The following PLTP variants were observed in gnomAD, a reference collection of about 807,000 sequenced individuals.
PLTP encodes phospholipid transfer protein, also known as BPI fold containing family E.
A neutral mutation model predicts 54.1 loss-of-function variants in PLTP; 43 were observed. The ratio of observed to expected loss-of-function variants is 0.79; its 90% CI spans 0.62 to 1.02. PLTP has a LOEUF of 1.02. Among genes scored for constraint, PLTP ranks in the 50% least tolerant of loss-of-function variants. PLTP has a pLI of 0.00. For synonymous variants in PLTP, 263 were observed against 264.6 expected (o/e 0.99, Z 0.06); for missense variants, 604 against 645.9 (o/e 0.94, Z 0.70).
rs1036456569 is a variant in PLTP, at chr20:45,909,702, A to T, written c.330-31T>A. 1.9e-6 allele frequency: 3 copies of T among 1,613,290 alleles called. No homozygotes were observed. The East Asian group carries it at 6.7e-5, about 36-fold the overall frequency. ...AGGGGGGTTAATATTCACTCCAGGTAGGAGCTCAATTGAGTCTTCAGTGCC... is the reference window on the plus strand; with the variant it reads ...AGGGGGGTTAATATTCACTCCAGGTTGGAGCTCAATTGAGTCTTCAGTGCC... On this transcript the variant is annotated intron_variant, in intron 4 of 15. Coordinates refer to ENST00000372431, the MANE Select transcript of PLTP (RefSeq NM_006227.4).
chr20:45,899,807 G>GGGCCCGGGGC, intron 13 of PLTP, 29 bp downstream of exon 13: 2 of 1,369,468 alleles, frequency 1.5e-6, no homozygotes, highest in Non-Finnish European at 2.0e-6. Context: ...CACGAACCCA[G>GGGCCCGGGGC]CCCAGCCCAC....
intron 15 of PLTP, 41 bp downstream of exon 15, chr20:45,899,421 G>T (rs376463002): frequency 6.9e-6 from 11 of 1,599,742 alleles, no homozygotes; most frequent in Non-Finnish European, 8.6e-7. Context: ...TATAGAGAGA[G>T]GGGAAGGCCC....
chr20:45,903,560 C>G (rs1459515484), intron 10 of PLTP, among the ~76,000 whole-genome samples: 1 of 152,080 alleles, frequency 6.6e-6, no homozygotes, highest in East Asian at 1.9e-4. Flanking sequence ...GCTATGCCTT[C>G]TTCTATAGGC....
Position 45,910,043 on chromosome 20 carries a change from T to C in PLTP, c.228A>G (p.Thr76=). The C allele has an allele frequency of 6.2e-7, 1 of 1,614,070 alleles. No individual in the cohort carries two copies. The highest frequency in any genetic ancestry group is 1.1e-5 in the South Asian group (1 of 91,068). Residue 76 remains threonine (T), a synonymous_variant, in exon 4 of 16, where the codon ACA becomes ACG. Coordinates refer to ENST00000372431, the MANE Select transcript of PLTP (RefSeq NM_006227.4). The part of the protein sequence containing the change: ...SEVKVTELQL[T]SSELDFQPQQ... ...GTGGCTGGAAATCGAGCTCGGAAGA[T>C]GTCAGTTGCAGCTCTGTGACCTTCA... is the stretch of plus-strand genomic sequence containing the variant.
At position 45,905,129 on chromosome 20, in the gene PLTP, G is replaced by C; in HGVS notation, c.706-11C>G. The C allele has an allele frequency of 1.2e-6, 2 of 1,613,140 alleles. No individual in the cohort carries two copies. Among genetic ancestry groups the C allele is most frequent in the Non-Finnish European group, 1.7e-6 (2 of 1,179,560 alleles). ...GGGGAAGAAGGCCCCCTGGGGTGGGGCATTCACAGTCAGGGTCAAGGCAGA... is the reference window on the plus strand; with the variant it reads ...GGGGAAGAAGGCCCCCTGGGGTGGGCCATTCACAGTCAGGGTCAAGGCAGA... On this transcript the variant is annotated splice_polypyrimidine_tract_variant and intron_variant, in intron 8 of 15. Coordinates refer to ENST00000372431, the MANE Select transcript of PLTP (RefSeq NM_006227.4).
At chr20:45,903,248 G>T (rs2083204240) in intron 10 of PLTP, among the ~76,000 whole-genome samples, 1 of 152,108 alleles carries the variant, frequency 6.6e-6, no homozygotes, top group Non-Finnish European at 1.5e-5. Context: ...TGCCCAGGCT[G>T]GAGTGCAGTG....
At chr20:45,911,124 G>T (rs768706750) in intron 3 of PLTP, 28 bp downstream of exon 3, 2 of 1,606,808 alleles carry the variant, frequency 1.2e-6, no homozygotes, top group East Asian at 2.2e-5. Context: ...GCCCCGCCCC[G>T]GATCGCGAGG....
In PLTP at chr20:45,910,059, G is replaced by A. The variant is rs771336921; in HGVS notation, c.212C>T (p.Thr71Ile). The A allele has an allele frequency of 9.9e-6, 16 of 1,613,910 alleles. No homozygotes were observed. The highest frequency in any genetic ancestry group is 1.4e-5 in the Non-Finnish European group (16 of 1,179,968). The stretch of plus-strand genomic sequence containing the variant: ...CTCGGAAGATGTCAGTTGCAGCTCT[G>A]TGACCTTCACCCTACAGGAGGCCTC... ...FYYNISEVKV[T>I]ELQLTSSELD... The change falls in exon 4 of 16, where the codon ACA (threonine) becomes ATA (isoleucine). Residue 71 changes from threonine to isoleucine, a missense_variant. Physicochemically the swap from Thr to Ile is moderately conservative, Grantham distance 89. Coordinates refer to ENST00000372431, the MANE Select transcript of PLTP (RefSeq NM_006227.4).
chr20:45,911,243 C>T lies in PLTP; in HGVS notation c.109G>A (p.Glu37Lys). The T allele has an allele frequency of 1.2e-6, 2 of 1,614,122 alleles. No homozygotes were observed. The highest frequency in any genetic ancestry group is 1.7e-6 in the Non-Finnish European group (2 of 1,179,930). Residue 37 changes from glutamate (E) to lysine (K), a missense_variant, in exon 3 of 16, where the codon GAG (glutamate) becomes AAG (lysine). Transcript: ENST00000372431. ...TCTTGCTCCAGAAAGCGCAGCCCCT[C>T]CTGCTTCACTGAAGCAGCAGAGAAA... ...TSKALELVKQ[E>K]GLRFLEQELE...
intron 10 of PLTP, among the ~76,000 whole-genome samples, chr20:45,904,509 A>G (rs948559761): frequency 2.6e-5 from 4 of 152,228 alleles, no homozygotes; most frequent in African/African-American, 7.2e-5. Context: ...CTCCTCCCCA[A>G]TACACAAATA....
At chr20:45,901,222 A>G (rs1193333864) in intron 12 of PLTP, among the ~76,000 whole-genome samples, 4 of 152,232 alleles carry the variant, frequency 2.6e-5, no homozygotes, top group African/African-American at 9.6e-5. Context: ...TGTGGCTAGT[A>G]TCTACCATAT....
chr20:45,902,332 G>A lies in PLTP; in HGVS notation c.1110C>T (p.Asp370=), dbSNP rs140117597. The A allele has an allele frequency of 4.2e-5, 67 of 1,614,168 alleles. No homozygotes were observed. The highest frequency in any genetic ancestry group is 1.3e-4 in the African/African-American group (10 of 75,066). Residue 370 remains aspartate, a splice_region_variant and synonymous_variant, in exon 12 of 16, where the codon GAC becomes GAT. Transcript: ENST00000372431. ...GAGCCATCTTGGCGCTGAGACGGGCGTCCTGCAGGAACATGGGGAGGAGGA... is the reference window on the plus strand; with the variant it reads ...GAGCCATCTTGGCGCTGAGACGGGCATCCTGCAGGAACATGGGGAGGAGGA... ...PEVQLSSMTM[D]ARLSAKMALR...
Position 45,898,898 on chromosome 20 carries a change from G to T in PLTP, c.*43C>A, listed in dbSNP as rs1446107050. 1 of 1,608,642 alleles carries T rather than the reference G, an allele frequency of 6.2e-7. No individual in the cohort carries two copies. The highest frequency in any genetic ancestry group is 1.7e-5 in the Admixed American group (1 of 59,534). ...TGTGGGAAAAGAGGGGCTGAGAGGG[G>T]TTGGGGTCCTGAATGACAGCTGCCA... On this transcript the variant is annotated 3_prime_UTR_variant, in exon 16 of 16. Coordinates refer to ENST00000372431, the MANE Select transcript of PLTP (RefSeq NM_006227.4). This position sits in a 1 kb window ranked among gnomAD's most constrained non-coding sequence, Gnocchi z 4.6.
At chr20:45,905,478 T>A (rs2083230822) in intron 8 of PLTP, among the ~76,000 whole-genome samples, 1 of 152,274 alleles carries the variant, frequency 6.6e-6, no homozygotes, top group African/African-American at 2.4e-5. Context: ...ACTTCTTTAA[T>A]CTGCATAACA....
intron 1 of PLTP, 123 bp downstream of exon 1, chr20:45,911,956 G>A (rs1267602536): frequency 1.0e-5 from 2 of 191,486 alleles, no homozygotes; most frequent in Non-Finnish European, 1.1e-5. Context: ...TCCCATTAGA[G>A]ATTCTGCCTG....
intron 5 of PLTP, among the ~76,000 whole-genome samples, chr20:45,908,483 A>G (rs1190818771): frequency 1.3e-5 from 2 of 152,106 alleles, no homozygotes; most frequent in Non-Finnish European, 2.9e-5. Flanking sequence ...GAACAAGAAC[A>G]ATATCCCCTT....
At chr20:45,908,955 G>A (rs1379088831) in intron 5 of PLTP, among the ~76,000 whole-genome samples, 1 of 147,068 alleles carries the variant, frequency 6.8e-6, no homozygotes, top group Non-Finnish European at 1.5e-5. Flanking sequence ...GCCAGGTGCT[G>A]TTCTAAATTT....
intron 10 of PLTP, 94 bp from the exon 11 acceptor site, chr20:45,902,698 C>T: frequency 2.3e-6 from 3 of 1,301,910 alleles, no homozygotes; most frequent in Non-Finnish European, 3.1e-6. Context: ...CAGCTTCTGT[C>T]CTCTGGGGAC....
At chr20:45,909,837 G>T in intron 4 of PLTP, 105 bp downstream of exon 4, 1 of 1,491,916 alleles carries the variant, frequency 6.7e-7, no homozygotes. Context: ...TTACACAGAT[G>T]AAGAAACGGA....
Sources: gnomAD v4.1 joint callset for allele counts (sites outside exome capture counted in the v4.1 genomes callset) on GRCh38, gnomAD v4.1.1 for gene constraint, Gnocchi (gnomAD v3.1) non-coding constraint, MANE v1.5 for transcripts, NCBI Gene and HGNC (gene_info 2026-07-23, HGNC 2026-07-21) for gene names.